ITGA2: variants seen among roughly 807,000 people sequenced by gnomAD.
ITGA2 encodes the protein integrin alpha-2.
In ITGA2, 101 loss-of-function variants were observed where a neutral mutation model predicts 146.3. The observed-to-expected ratio is 0.69, with a 90% CI of 0.59 to 0.81. The LOEUF (loss-of-function observed/expected upper bound fraction) is 0.81. ITGA2 is among the 40% of genes least tolerant of loss of function. The pLI is 0.00. For synonymous variants in ITGA2, 477 were observed against 487.1 expected (o/e 0.98, Z 0.27); for missense variants, 1,281 against 1,402.7 (o/e 0.91, Z 1.39).
At chr5:53,069,747 G>A (rs775796333) in intron 16 of ITGA2, among the ~76,000 whole-genome samples, 19 of 151,892 alleles carry the variant, frequency 1.3e-4, no homozygotes, top group Non-Finnish European at 1.8e-4. Context: ...CTCAGCAACT[G>A]TTCCTTTCCA....
At chr5:52,989,725 C>A (rs2111634381) in intron 1 of ITGA2, among the ~76,000 whole-genome samples, 193 bp downstream of exon 1, 1 of 152,266 alleles carries the variant, frequency 6.6e-6, no homozygotes, top group African/African-American at 2.4e-5. Flanking sequence ...CTATCCCAGG[C>A]CTTGCGTCCC....
chr5:53,062,272 G>A (rs950212981), intron 12 of ITGA2, among the ~76,000 whole-genome samples: 1 of 151,820 alleles, frequency 6.6e-6, no homozygotes, highest in African/African-American at 2.4e-5. Context: ...AACTTTCTAA[G>A]CCTTCCTGAC....
chr5:53,085,423 T>C (rs1235598016), intron 27 of ITGA2, among the ~76,000 whole-genome samples: 1 of 152,240 alleles, frequency 6.6e-6, no homozygotes, highest in Non-Finnish European at 1.5e-5. Flanking sequence ...GGATATTGTA[T>C]GCCTGTGAGA....
In ITGA2 at chr5:52,997,612, CTTTG is replaced by C. The variant is rs769004551; in HGVS notation, c.64+8086_64+8089del. Among the ~76,000 whole-genome samples the C allele has an allele frequency of 3.3e-5, 5 of 152,162 alleles. No homozygotes were observed. The East Asian group carries it at 7.7e-4, about 23-fold the overall frequency. ...TCTCCCGGATTCATTTGAAGGTGGCCTTTGTTTGTCTTTGTGCAGGCCTGATCTC... is the reference window on the plus strand; with the variant it reads ...TCTCCCGGATTCATTTGAAGGTGGCCTTTGTCTTTGTGCAGGCCTGATCTC... On this transcript the variant is annotated intron_variant, in intron 1 of 29. Coordinates refer to ENST00000296585, the MANE Select transcript of ITGA2 (RefSeq NM_002203.4).
chr5:53,008,600 GC>G (rs2111732145), intron 1 of ITGA2, among the ~76,000 whole-genome samples: 1 of 151,704 alleles, frequency 6.6e-6, no homozygotes, highest in Admixed American at 6.6e-5. Flanking sequence ...ACAAATAGCC[GC>G]AAATCATGAA....
Position 53,083,266 on chromosome 5 carries a change from T to C in ITGA2, c.3145-74T>C, listed in dbSNP as rs1036462295. The C allele has an allele frequency of 1.7e-5, 16 of 943,026 alleles. No homozygotes were observed. The African/African-American group carries it at 2.6e-4, about 15-fold the overall frequency. 58.4% of individuals were successfully genotyped at this position (943,026 alleles called of 1,614,324 possible). A position where few individuals can be genotyped will look rare whatever the true frequency, so the allele number is the denominator to read the frequency against. On this transcript the variant is annotated intron_variant, in intron 26 of 29. Coordinates refer to ENST00000296585, the MANE Select transcript of ITGA2 (RefSeq NM_002203.4). The stretch of plus-strand genomic sequence containing the variant: ...GTCCCAGCACTGAGTTTTATCTAGC[T>C]TTAAAATTTTAGCATTTATTTTTTA...
chr5:53,067,389 C>T, intron 16 of ITGA2, 132 bp downstream of exon 16: 13 of 905,218 alleles, frequency 1.4e-5, no homozygotes, highest in Non-Finnish European at 2.3e-5. Context: ...TTTCCTTACA[C>T]TGGAGATGCC....
At position 53,080,614 on chromosome 5, in the gene ITGA2, C is replaced by T. The variant is rs768466415; in HGVS notation, c.3032C>T (p.Thr1011Ile). Residue 1011 changes from threonine to isoleucine, a missense_variant, in exon 25 of 30, where the codon ACA becomes ATA. Physicochemically the swap from Thr to Ile is moderately conservative, Grantham distance 89. Transcript: ENST00000296585. ...CTGATGTACCTAACTGGGGTGCAAA[C>T]AGACAAGGTAAAGATTAAAAAATTG... is the stretch of plus-strand genomic sequence containing the variant. ...NPLMYLTGVQ[T>I]DKAGDISCNA... 1 of 1,610,356 alleles carries T rather than the reference C, an allele frequency of 6.2e-7. No individual in the cohort carries two copies. Among genetic ancestry groups the T allele is most frequent in the Non-Finnish European group, 8.5e-7 (1 of 1,176,796 alleles).
intron 2 of ITGA2, among the ~76,000 whole-genome samples, chr5:53,027,454 G>T (rs1743005351): frequency 6.6e-6 from 1 of 152,180 alleles, no homozygotes; most frequent in Non-Finnish European, 1.5e-5. Context: ...CATGCTATGT[G>T]ATGGTTACAT....
At chr5:53,048,144 ACTC>A (rs1207521899) in intron 4 of ITGA2, among the ~76,000 whole-genome samples, 1 of 151,610 alleles carries the variant, frequency 6.6e-6, no homozygotes, top group Non-Finnish European at 1.5e-5. Context: ...CAGTCTCAGC[ACTC>A]CTCCTCCCGC....
intron 2 of ITGA2, among the ~76,000 whole-genome samples, chr5:53,039,572 C>G (rs62357234): frequency 4.6e-5 from 7 of 150,998 alleles, no homozygotes; most frequent in African/African-American, 7.3e-5. Flanking sequence ...GGCAAAATCC[C>G]CTACTAAAAA....
chr5:53,019,154 AT>A (rs1443779585), intron 1 of ITGA2, among the ~76,000 whole-genome samples: 1 of 152,174 alleles, frequency 6.6e-6, no homozygotes, highest in East Asian at 1.9e-4. Context: ...CTTTAAAAAA[AT>A]AATTTTAAAA....
chr5:53,007,329 G>C (rs955646012), intron 1 of ITGA2, among the ~76,000 whole-genome samples: 1 of 152,136 alleles, frequency 6.6e-6, no homozygotes, highest in Non-Finnish European at 1.5e-5. Context: ...AAAATTTATA[G>C]AGAAGTGGCT....
In ITGA2 at chr5:53,074,567, G is replaced by C. The variant is rs533819718; in HGVS notation, c.2664+90G>C. 75 of 1,001,692 alleles carry C rather than the reference G, an allele frequency of 7.5e-5. No individual in the cohort carries two copies. The Middle Eastern group carries it at 1.4e-3, about 19-fold the overall frequency. The allele number at this position is 1,001,692 out of a possible 1,614,324, so 62.1% of individuals were successfully genotyped here. On this transcript the variant is annotated intron_variant, in intron 21 of 29. Coordinates refer to ENST00000296585, the MANE Select transcript of ITGA2 (RefSeq NM_002203.4). The stretch of plus-strand genomic sequence containing the variant: ...ACATAACATCTTGCTATCATGATTT[G>C]ATAGGCATCACAAAATAACTAGCTG...
chr5:53,091,157 T>C lies in ITGA2; in HGVS notation c.*558T>C, dbSNP rs755433166. 5.8e-6 allele frequency: 1 copy of C among 172,178 alleles called. No individual in the cohort carries two copies. Among genetic ancestry groups the C allele is most frequent in the Non-Finnish European group, 1.2e-5 (1 of 80,270 alleles). The allele number at this position is 172,178 out of a possible 1,614,324, so 10.7% of individuals were successfully genotyped here. A position where few individuals can be genotyped will look rare whatever the true frequency, so the allele number is the denominator to read the frequency against. ...ACAGATGATACTTCCAAGTGATAAT[T>C]TTATTTATAAACTAGGTAAAATTTG... On this transcript the variant is annotated 3_prime_UTR_variant, in exon 30 of 30. Transcript: ENST00000296585.
Position 53,048,365 on chromosome 5 carries a change from A to G in ITGA2, c.390A>G (p.Thr130=), listed in dbSNP as rs774956677. 2 of 1,612,220 alleles carry G rather than the reference A, an allele frequency of 1.2e-6. No individual in the cohort carries two copies. The highest frequency in any genetic ancestry group is 1.7e-6 in the Non-Finnish European group (2 of 1,178,258). The stretch of plus-strand genomic sequence containing the variant: ...ATTGTTTTCTCATTTCTTTGAAGAC[A>G]TGTGGTCCTCTGTGGGCACAGCAAT... ...TRNMGTGGFL[T]CGPLWAQQCG... is the part of the protein sequence containing the mutation. Residue 130 remains threonine, a splice_region_variant and synonymous_variant, in exon 5 of 30, where the codon ACA becomes ACG. Transcript: ENST00000296585.
intron 3 of ITGA2, among the ~76,000 whole-genome samples, 169 bp downstream of exon 3, chr5:53,042,390 A>G (rs1743845667): frequency 6.6e-6 from 1 of 152,096 alleles, no homozygotes; most frequent in South Asian, 2.1e-4. Flanking sequence ...AACAGTTTGG[A>G]GACTTGACTT....
chr5:53,046,579 G>T (rs1445943), intron 4 of ITGA2, among the ~76,000 whole-genome samples: 41,624 of 151,462 alleles, frequency 0.27, 5,783 homozygotes, highest in Admixed American at 0.32. Context: ...ATTACAGAAT[G>T]TGCCTCAAAA....
intron 12 of ITGA2, among the ~76,000 whole-genome samples, chr5:53,062,171 A>G (rs41304880): frequency 1.3e-5 from 2 of 151,850 alleles, no homozygotes; most frequent in African/African-American, 4.8e-5. Flanking sequence ...ATATCATGCC[A>G]TGTACACTTA....
Sources: gnomAD v4.1 joint callset for allele counts (sites outside exome capture counted in the v4.1 genomes callset) on GRCh38, gnomAD v4.1.1 for gene constraint, MANE v1.5 for transcripts, NCBI Gene and HGNC (gene_info 2026-07-23, HGNC 2026-07-21) for gene names.